PDE7A: variants seen among roughly 807,000 people sequenced by gnomAD.
PDE7A encodes the protein phosphodiesterase 7A, also known as high affinity 3',5'-cyclic-AMP phosphodiesterase 7A.
Under a neutral mutation model 64.3 loss-of-function variants are expected in PDE7A, and 39 were observed. That is an observed-to-expected ratio of 0.61 (90% CI 0.47 to 0.79). The LOEUF (loss-of-function observed/expected upper bound fraction) is 0.79. PDE7A is among the 30% of genes least tolerant of loss of function. The pLI is 0.00. For missense variants in PDE7A, 470 were observed against 582.8 expected, an observed-to-expected ratio of 0.81 and a Z score of 1.99; for synonymous variants, 203 against 206.8, an observed-to-expected ratio of 0.98 and a Z score of 0.16.
chr8:65,719,534 T>C (rs200359177), intron 12 of PDE7A, 39 bp from the exon 13 acceptor site: 2 of 1,288,524 alleles, frequency 1.6e-6, no homozygotes, highest in Non-Finnish European at 2.3e-6. Context: ...ACATATATGC[T>C]GAAACTCTAT....
At chr8:65,719,759 G>A in intron 12 of PDE7A, 1 of 447,890 alleles carries the variant, frequency 2.2e-6, no homozygotes, top group South Asian at 2.8e-5. Flanking sequence ...ATCCTTCTCA[G>A]TGGCACAACT....
intron 1 of PDE7A, among the ~76,000 whole-genome samples, chr8:65,823,589 T>C (rs890376823): frequency 5.3e-5 from 8 of 152,142 alleles, no homozygotes; most frequent in Admixed American, 3.9e-4. Context: ...GTACATTCAG[T>C]TACACGCATA....
At chr8:65,821,382 C>G (rs1810537955) in intron 1 of PDE7A, among the ~76,000 whole-genome samples, 1 of 144,820 alleles carries the variant, frequency 6.9e-6, no homozygotes, top group Admixed American at 6.7e-5. Context: ...AAATTCCCTC[C>G]CCCCTAAACC....
intron 1 of PDE7A, among the ~76,000 whole-genome samples, chr8:65,839,560 GTTAA>G (rs1490764883): frequency 6.6e-6 from 1 of 152,136 alleles, no homozygotes; most frequent in Non-Finnish European, 1.5e-5. Flanking sequence ...AAAAAAAAGG[GTTAA>G]TTGAGGAAAA....
At chr8:65,817,423 C>T (rs1810434493) in intron 1 of PDE7A, among the ~76,000 whole-genome samples, 1 of 148,596 alleles carries the variant, frequency 6.7e-6, no homozygotes, top group Non-Finnish European at 1.5e-5. Flanking sequence ...TAACAAATTT[C>T]CATTGGTGCA....
intron 3 of PDE7A, among the ~76,000 whole-genome samples, chr8:65,767,783 T>G (rs187340351): frequency 6.6e-6 from 1 of 152,130 alleles, no homozygotes; most frequent in Non-Finnish European, 1.5e-5. Flanking sequence ...ACCCTACACA[T>G]CTCTTCATCT....
chr8:65,737,782 G>T (rs954153919), intron 6 of PDE7A, among the ~76,000 whole-genome samples: 1 of 152,192 alleles, frequency 6.6e-6, no homozygotes, highest in Admixed American at 6.5e-5. Flanking sequence ...GCCTCCCAAA[G>T]TGCTGGGATT....
chr8:65,823,802 T>G (rs142783559), intron 1 of PDE7A, among the ~76,000 whole-genome samples: 1 of 152,168 alleles, frequency 6.6e-6, no homozygotes, highest in Non-Finnish European at 1.5e-5. Flanking sequence ...CTAAAAACTT[T>G]TATTAATAAT....
At chr8:65,724,400 A>C in intron 10 of PDE7A, 49 bp from the exon 11 acceptor site, 1 of 1,243,516 alleles carries the variant, frequency 8.0e-7, no homozygotes, top group Non-Finnish European at 1.2e-6. Flanking sequence ...CACACTTGAC[A>C]ATAATACCAA....
chr8:65,806,012 C>T (rs773129220), intron 1 of PDE7A, among the ~76,000 whole-genome samples: 11 of 152,162 alleles, frequency 7.2e-5, no homozygotes, highest in Admixed American at 6.5e-4. Flanking sequence ...TAACTAGTTA[C>T]ACTACTTCTA....
intron 12 of PDE7A, chr8:65,719,707 G>T: frequency 1.8e-6 from 1 of 556,892 alleles, no homozygotes; most frequent in Admixed American, 3.0e-5. Context: ...ATGGAAATTT[G>T]AGTAAAAGTG....
chr8:65,737,021 T>C (rs1283102192), intron 6 of PDE7A, among the ~76,000 whole-genome samples: 1 of 150,630 alleles, frequency 6.6e-6, no homozygotes, highest in East Asian at 2.1e-4. Flanking sequence ...GGTGGGAGGC[T>C]GGCTGGAGCT....
At chr8:65,733,547 G>T (rs1305858280) in intron 7 of PDE7A, among the ~76,000 whole-genome samples, 1 of 151,936 alleles carries the variant, frequency 6.6e-6, no homozygotes, top group African/African-American at 2.4e-5. Flanking sequence ...TTGAGCCCAG[G>T]ATGTCGAGGC....
chr8:65,805,705 G>A (rs887362642), intron 1 of PDE7A, among the ~76,000 whole-genome samples: 1 of 152,088 alleles, frequency 6.6e-6, no homozygotes, highest in Non-Finnish European at 1.5e-5. Context: ...ATGGTACTGT[G>A]GATTCACCCT....
chr8:65,831,568 C>T (rs147156132), intron 1 of PDE7A, among the ~76,000 whole-genome samples: 69 of 152,130 alleles, frequency 4.5e-4, no homozygotes, highest in African/African-American at 1.5e-3. Flanking sequence ...AATTTTACCT[C>T]CCAGGATCTC....
chr8:65,765,560 C>T (rs896253465), intron 3 of PDE7A: 3 of 132,644 alleles, frequency 2.3e-5, no homozygotes, highest in Non-Finnish European at 4.8e-5. Context: ...TGGAACATGA[C>T]TGTGTCCCAA....
intron 4 of PDE7A, 98 bp downstream of exon 4, chr8:65,747,550 TAGAC>T (rs1394038062): frequency 1.2e-5 from 8 of 661,030 alleles, no homozygotes; most frequent in African/African-American, 1.9e-5. Flanking sequence ...CTGCTTTTCA[TAGAC>T]AGAGAAAAAG....
chr8:65,777,853 A>G (rs1433598512), intron 3 of PDE7A, among the ~76,000 whole-genome samples: 1 of 152,098 alleles, frequency 6.6e-6, no homozygotes, highest in Non-Finnish European at 1.5e-5. Flanking sequence ...TTTCATAGTT[A>G]TACTCTGGTA....
Position 65,841,556 on chromosome 8 carries a change from GCC to G in PDE7A, c.-50_-49del. 1.5e-6 allele frequency: 2 copies of G among 1,301,672 alleles called. No homozygotes were observed. The highest frequency in any genetic ancestry group is 9.9e-7 in the Non-Finnish European group (1 of 1,005,140). 80.6% of individuals were successfully genotyped at this position (1,301,672 alleles called of 1,614,324 possible). On this transcript the variant is annotated 5_prime_UTR_variant, in exon 1 of 13. Transcript: ENST00000401827. Reference sequence around the variant, plus strand: ...GCGCGGCGCCCGCCCTGCCGCGGCCGCCGGCCCCTGCAGTGGGAGGGGGCCGC... The same window carrying G: ...GCGCGGCGCCCGCCCTGCCGCGGCCGGGCCCCTGCAGTGGGAGGGGGCCGC...
Sources: gnomAD v4.1 joint callset for allele counts (sites outside exome capture counted in the v4.1 genomes callset) on GRCh38, gnomAD v4.1.1 for gene constraint, MANE v1.5 for transcripts, NCBI Gene and HGNC (gene_info 2026-07-23, HGNC 2026-07-21) for gene names.